PHKA1: variants seen among roughly 807,000 people sequenced by gnomAD.
PHKA1 encodes the protein phosphorylase kinase regulatory subunit alpha 1.
Under a neutral mutation model 110.2 loss-of-function variants are expected in PHKA1, and 60 were observed. The observed-to-expected ratio is 0.54, with a 90% CI of 0.44 to 0.68. The LOEUF (loss-of-function observed/expected upper bound fraction) is 0.68. Among genes scored for constraint, PHKA1 ranks in the 30% least tolerant of loss-of-function variants. The probability of loss-of-function intolerance (pLI) is 0.00; values close to 1 mark genes in which losing one functional copy is unlikely to be tolerated. For missense variants in PHKA1, 801 were observed against 942.5 expected, an observed-to-expected ratio of 0.85 and a Z score of 1.97; for synonymous variants, 316 against 333.6, an observed-to-expected ratio of 0.95 and a Z score of 0.58.
chrX:72,696,064 G>A (rs1423531812), intron 3 of PHKA1, among the ~76,000 whole-genome samples, 188 bp from the exon 4 acceptor site: 1 of 111,701 alleles, frequency 9.0e-6, no homozygotes. Context: ...TGTTATTGTT[G>A]TTTTTCAATT....
At chrX:72,586,951 T>C (rs1456531697) in intron 29 of PHKA1, among the ~76,000 whole-genome samples, 1 of 110,580 alleles carries the variant, frequency 9.0e-6, no homozygotes. Flanking sequence ...CAAACGTACG[T>C]CTGATTGGTG....
chrX:72,702,002 A>AT (rs782204125), intron 3 of PHKA1, among the ~76,000 whole-genome samples: 2 of 110,831 alleles, frequency 1.8e-5, no homozygotes, highest in South Asian at 3.8e-4. Context: ...TGGAATTCTA[A>AT]TTTTTTTTGG....
Position 72,644,451 on chromosome X carries a change from T to C in PHKA1, c.1370A>G (p.Asp457Gly). 8.3e-7 allele frequency: 1 copy of C among 1,208,952 alleles called. No individual in the cohort carries two copies. Residue 457 changes from aspartate to glycine, a missense_variant, in exon 14 of 32, where the codon GAC becomes GGC. Asp to Gly is a moderately conservative substitution (Grantham distance 94, BLOSUM62 -1). Coordinates refer to ENST00000373542, the MANE Select transcript of PHKA1 (RefSeq NM_002637.4). ...ETEEIKTILK[D>G]KGIYVETIAE... is the part of the protein sequence containing the mutation. Reference sequence around the variant, plus strand: ...AATGGTCTCCACGTAAATTCCCTTGTCCTTCAAAATGGTCTTGATTTCTTC... The same window carrying C: ...AATGGTCTCCACGTAAATTCCCTTGCCCTTCAAAATGGTCTTGATTTCTTC...
chrX:72,670,513 G>T (rs1309753103), intron 6 of PHKA1, among the ~76,000 whole-genome samples: 1 of 111,944 alleles, frequency 8.9e-6, no homozygotes, highest in Admixed American at 9.5e-5. Context: ...GGTACAAAGA[G>T]GAGCTGGTAC....
At chrX:72,671,953 C>T (rs1225276190) in intron 6 of PHKA1, among the ~76,000 whole-genome samples, 2 of 112,077 alleles carry the variant, frequency 1.8e-5, no homozygotes, top group Admixed American at 1.9e-4. Context: ...GGATTAAAGA[C>T]TTAAATGTTA....
chrX:72,650,350 T>C (rs1556298557), intron 13 of PHKA1, 40 bp downstream of exon 13: 2 of 1,065,630 alleles, frequency 1.9e-6, no homozygotes, highest in Admixed American at 2.2e-5. Flanking sequence ...AACCAGACCT[T>C]TAATATAAAG....
At chrX:72,673,571 A>G (rs1371153383) in intron 6 of PHKA1, among the ~76,000 whole-genome samples, 2 of 111,638 alleles carry the variant, frequency 1.8e-5, no homozygotes, top group African/African-American at 6.5e-5. Context: ...ATTTGTAATA[A>G]TAAGTACCAG....
Position 72,591,205 on chromosome X carries a change from A to T in PHKA1, c.3243+1899T>A, listed in dbSNP as rs182145515. Among the ~76,000 whole-genome samples the T allele has an allele frequency of 3.2e-3, 359 of 112,388 alleles. 8 individuals are homozygous for T. Among genetic ancestry groups the T allele is most frequent in the Admixed American group, 0.028 (298 of 10,602 alleles). ...AGACTGGATTAAGAAAATGTGGCACATATATACCATGGAATACTATGCAGC... is the reference window on the plus strand; with the variant it reads ...AGACTGGATTAAGAAAATGTGGCACTTATATACCATGGAATACTATGCAGC... On this transcript the variant is annotated intron_variant, in intron 29 of 31. Coordinates refer to ENST00000373542, the MANE Select transcript of PHKA1 (RefSeq NM_002637.4).
At position 72,611,093 on chromosome X, in the gene PHKA1, G is replaced by A. The variant is rs782710317; in HGVS notation, c.2461C>T (p.Arg821Cys). 3 of 1,203,500 alleles carry A rather than the reference G, an allele frequency of 2.5e-6. No individual in the cohort carries two copies. In the African/African-American group the frequency reaches 5.3e-5, roughly 21 times the overall value. Reference sequence around the variant, plus strand: ...ATGTATCGGATCAGGCCCCAGTGACGAATTTCTCCCACTTTGCCATACAGC... The same window carrying A: ...ATGTATCGGATCAGGCCCCAGTGACAAATTTCTCCCACTTTGCCATACAGC... ...TELYGKVGEI[R>C]HWGLIRYISG... The change falls in exon 22 of 32, where the codon CGT becomes TGT. Residue 821 changes from arginine to cysteine, a missense_variant. Arg to Cys is a radical substitution (Grantham distance 180, BLOSUM62 -3). Around this residue, in one of 2 missense-constraint regions of PHKA1, gnomAD observed 502 missense variants for 519.2 expected, o/e 0.97. Coordinates refer to ENST00000373542, the MANE Select transcript of PHKA1 (RefSeq NM_002637.4).
intron 16 of PHKA1, among the ~76,000 whole-genome samples, chrX:72,634,208 A>G (rs782135528): frequency 9.8e-5 from 11 of 111,987 alleles, no homozygotes; most frequent in Non-Finnish European, 1.3e-4. Context: ...TCTGAAGACA[A>G]TTCTGCAAAT....
At chrX:72,591,820 T>C (rs2052526023) in intron 29 of PHKA1, among the ~76,000 whole-genome samples, 1 of 112,432 alleles carries the variant, frequency 8.9e-6, no homozygotes, top group Non-Finnish European at 1.9e-5. Context: ...TATGAATGAT[T>C]TAAAACAATA....
intron 28 of PHKA1, chrX:72,599,720 A>AT (rs376497544): frequency 1.2e-3 from 424 of 363,898 alleles, no homozygotes; most frequent in South Asian, 2.4e-3. Flanking sequence ...TTCTTGATTA[A>AT]TTTTTTTTTT....
chrX:72,688,727 T>G (rs1293209125), intron 4 of PHKA1, among the ~76,000 whole-genome samples: 1 of 112,551 alleles, frequency 8.9e-6, no homozygotes, highest in African/African-American at 3.2e-5. Flanking sequence ...TAGACAAATG[T>G]GTACTTGAAT....
chrX:72,664,178 A>G (rs2053593041), intron 8 of PHKA1, among the ~76,000 whole-genome samples: 1 of 111,152 alleles, frequency 9.0e-6, no homozygotes, highest in African/African-American at 3.3e-5. Context: ...CATGATACCT[A>G]CAAGAAAGTC....
chrX:72,617,550 G>A (rs1341359178), intron 21 of PHKA1, among the ~76,000 whole-genome samples: 1 of 110,894 alleles, frequency 9.0e-6, no homozygotes, highest in African/African-American at 3.3e-5. Flanking sequence ...AGATATAACT[G>A]ATACCACAGA....
chrX:72,582,744 A>G, intron 30 of PHKA1, 146 bp from the exon 31 acceptor site: 1 of 509,597 alleles, frequency 2.0e-6, no homozygotes, highest in Non-Finnish European at 3.5e-6. Flanking sequence ...AACTGCTTCA[A>G]TCTTTTTGGA....
intron 5 of PHKA1, among the ~76,000 whole-genome samples, chrX:72,680,651 G>C (rs782322256): frequency 9.2e-6 from 1 of 108,637 alleles, no homozygotes; most frequent in South Asian, 3.8e-4. Flanking sequence ...GCTGCGCTGC[G>C]GCCCGGGGCA....
In PHKA1 at chrX:72,620,881, C is replaced by T; in HGVS notation, c.1981G>A (p.Ala661Thr). Residue 661 changes from alanine (A) to threonine (T), a missense_variant, in exon 19 of 32, where the codon GCT (alanine) becomes ACT (threonine). Ala to Thr is a moderately conservative substitution (Grantham distance 58). Transcript: ENST00000373542. ...GCCAAAAGGTGATCTAAATAACGAG[C>T]AACTTCATCACCACAGCGAGCTGCA... ...TSHARCGDEV[A>T]RYLDHLLAHT... 1 of 1,210,696 alleles carries T rather than the reference C, an allele frequency of 8.3e-7. No individual in the cohort carries two copies. Among genetic ancestry groups the T allele is most frequent in the Non-Finnish European group, 1.1e-6 (1 of 895,240 alleles).
At position 72,619,415 on chromosome X, in the gene PHKA1, A is replaced by G. The variant is rs563938045; in HGVS notation, c.2138-110T>C. 6.6e-5 allele frequency: 33 copies of G among 496,719 alleles called. No individual in the cohort carries two copies. In the South Asian group the frequency reaches 9.8e-4, roughly 15 times the overall value. 40.9% of individuals were successfully genotyped at this position (496,719 alleles called of 1,213,427 possible). On this transcript the variant is annotated intron_variant, in intron 19 of 31. Coordinates refer to ENST00000373542, the MANE Select transcript of PHKA1 (RefSeq NM_002637.4). The stretch of plus-strand genomic sequence containing the variant: ...ATGTGAGTCAGTTCTTCATAGAACA[A>G]GAATGACAAATTTCTCCTTTCTTGG...
Sources: gnomAD v4.1 joint callset for allele counts (sites outside exome capture counted in the v4.1 genomes callset) on GRCh38, gnomAD v4.1.1 for gene constraint, gnomAD v4.1.1 regional missense constraint, MANE v1.5 for transcripts, NCBI Gene and HGNC (gene_info 2026-07-23, HGNC 2026-07-21) for gene names.